PTCD1: variants seen among roughly 807,000 people sequenced by gnomAD.
PTCD1 encodes the protein pentatricopeptide repeat domain 1.
A neutral mutation model predicts 53.4 loss-of-function variants in PTCD1; 50 were observed. That is an observed-to-expected ratio of 0.94 (90% confidence interval 0.75 to 1.19). The LOEUF is 1.19. PTCD1 is among the 50% of genes most tolerant of loss of function. PTCD1 has a pLI of 0.00. For missense variants in PTCD1, 918 were observed against 904.8 expected (o/e 1.01, Z -0.19); for synonymous variants, 413 against 394.8 (o/e 1.05, Z -0.55).
At chr7:99,422,267 G>A (rs147613971) in intron 7 of PTCD1, among the ~76,000 whole-genome samples, 2 of 152,166 alleles carry the variant, frequency 1.3e-5, no homozygotes, top group East Asian at 1.9e-4. Context: ...ACACCTGCAC[G>A]GCGTTCCTGA....
intron 3 of PTCD1, among the ~76,000 whole-genome samples, chr7:99,431,263 G>A (rs545415951): frequency 7.9e-5 from 12 of 151,676 alleles, no homozygotes; most frequent in Middle Eastern, 3.4e-3. Flanking sequence ...CTGAGTAGCT[G>A]GGACTACAGG....
At chr7:99,421,340 A>G (rs1453809559) in intron 7 of PTCD1, among the ~76,000 whole-genome samples, 1 of 150,900 alleles carries the variant, frequency 6.6e-6, no homozygotes, top group Non-Finnish European at 1.5e-5. Flanking sequence ...AGGTGGGAGG[A>G]CTTCTTAAGC....
At chr7:99,423,681 C>T (rs1795912040) in intron 7 of PTCD1, 94 bp downstream of exon 7, 1 of 1,599,460 alleles carries the variant, frequency 6.3e-7, no homozygotes, top group Non-Finnish European at 8.5e-7. Context: ...AGCATGGCAA[C>T]ACAATCCCAA....
chr7:99,432,760 G>T (rs1361337121), intron 3 of PTCD1, among the ~76,000 whole-genome samples: 12 of 152,182 alleles, frequency 7.9e-5, no homozygotes, highest in Non-Finnish European at 4.4e-5. Context: ...GGAGGGGCTG[G>T]CCCCCTTCAG....
chr7:99,438,595 C>T, intron 1 of PTCD1, 97 bp downstream of exon 1: 1 of 1,139,914 alleles, frequency 8.8e-7, no homozygotes, highest in Non-Finnish European at 1.1e-6. Context: ...CCTCCTCAGA[C>T]GCCCCCGGCT....
chr7:99,417,983 C>T lies in PTCD1; in HGVS notation c.*1984G>A, dbSNP rs1001362260. On this transcript the variant is annotated 3_prime_UTR_variant, in exon 8 of 8. Transcript: ENST00000292478. ...TTACCATCACTATCTTTCCCGCCCCCCCAAGACGGAGTCTTGCTTTGTCGC... is the reference window on the plus strand; with the variant it reads ...TTACCATCACTATCTTTCCCGCCCCTCCAAGACGGAGTCTTGCTTTGTCGC... 2 of 1,174,918 alleles carry T rather than the reference C, an allele frequency of 1.7e-6. No individual in the cohort carries two copies. Among genetic ancestry groups the T allele is most frequent in the Non-Finnish European group, 2.1e-6 (2 of 938,906 alleles). 72.8% of individuals were successfully genotyped at this position (1,174,918 alleles called of 1,614,324 possible).
At chr7:99,436,186 T>C (rs1330771875) in intron 1 of PTCD1, among the ~76,000 whole-genome samples, 1 of 152,016 alleles carries the variant, frequency 6.6e-6, no homozygotes, top group African/African-American at 2.4e-5. Flanking sequence ...CAAGCAATCC[T>C]CTCGCCTCGA....
At chr7:99,429,078 G>A in intron 5 of PTCD1, 25 bp downstream of exon 5, 2 of 1,613,746 alleles carry the variant, frequency 1.2e-6, no homozygotes, top group Non-Finnish European at 1.7e-6. Flanking sequence ...AAGCAGGGCA[G>A]GAAGGTGGGG....
At position 99,417,173 on chromosome 7, in the gene PTCD1, C is replaced by T; in HGVS notation, c.*2794G>A. 2 of 388,724 alleles carry T rather than the reference C, an allele frequency of 5.1e-6. No homozygotes were observed. The highest frequency in any genetic ancestry group is 9.6e-6 in the Non-Finnish European group (2 of 207,868). 24.1% of individuals were successfully genotyped at this position (388,724 alleles called of 1,614,324 possible). On this transcript the variant is annotated 3_prime_UTR_variant, in exon 8 of 8. Coordinates refer to ENST00000292478, the MANE Select transcript of PTCD1 (RefSeq NM_015545.4). ...CTGGGTTCAAGTGATTCTCCTGCCT[C>T]AGCCTCCTAAGTAGCTGGGATTACA...
intron 5 of PTCD1, among the ~76,000 whole-genome samples, chr7:99,427,368 C>G (rs1475002417): frequency 2.7e-5 from 4 of 149,550 alleles, no homozygotes; most frequent in Non-Finnish European, 4.5e-5. Flanking sequence ...GGTCAGCCCC[C>G]CGCCCGGCCA....
At chr7:99,424,441 A>G (rs1414605441) in intron 6 of PTCD1, among the ~76,000 whole-genome samples, 1 of 152,228 alleles carries the variant, frequency 6.6e-6, no homozygotes, top group Non-Finnish European at 1.5e-5. Context: ...TGGGAGGCAC[A>G]GACCTCGGGG....
chr7:99,425,217 C>T lies in PTCD1; in HGVS notation c.1315G>A (p.Glu439Lys), dbSNP rs1276989372. Residue 439 changes from glutamate to lysine, a missense_variant, in exon 6 of 8, where the codon GAA (glutamate) becomes AAA (lysine). Glu to Lys is a moderately conservative substitution (Grantham distance 56). Transcript: ENST00000292478. ...GCCCCGGGGGTCAGGAGGTTGACTT[C>T]CAGCTCCACGGGAGGTGGCTTCAGG... ...VALKPPPVEL[E>K]VNLLTPGAVP... is the part of the protein sequence containing the mutation. 7.4e-6 allele frequency: 12 copies of T among 1,612,196 alleles called. No homozygotes were observed. The South Asian group carries it at 1.3e-4, about 18-fold the overall frequency.
At position 99,438,744 on chromosome 7, in the gene PTCD1, G is replaced by A. The variant is rs1425804855; in HGVS notation, c.-79C>T. ...ACGGGGAGCCCTGCCCGGTCCCCGC[G>A]GCGAACCAGTCTCTTCCTCGGGTCC... On this transcript the variant is annotated 5_prime_UTR_variant, in exon 1 of 8. Coordinates refer to ENST00000292478, the MANE Select transcript of PTCD1 (RefSeq NM_015545.4). 3 of 1,316,554 alleles carry A rather than the reference G, an allele frequency of 2.3e-6. No homozygotes were observed. Among genetic ancestry groups the A allele is most frequent in the Non-Finnish European group, 3.0e-6 (3 of 1,008,876 alleles). The allele number at this position is 1,316,554 out of a possible 1,614,324, so 81.6% of individuals were successfully genotyped here. A position where few individuals can be genotyped will look rare whatever the true frequency, so the allele number is the denominator to read the frequency against.
At chr7:99,423,571 G>A (rs993928187) in intron 7 of PTCD1, among the ~76,000 whole-genome samples, 5 of 152,162 alleles carry the variant, frequency 3.3e-5, no homozygotes, top group East Asian at 1.9e-4. Flanking sequence ...GAAAGCAAAC[G>A]CAAGGCTGAG....
At chr7:99,432,057 C>T (rs1022348634) in intron 3 of PTCD1, among the ~76,000 whole-genome samples, 5 of 152,196 alleles carry the variant, frequency 3.3e-5, no homozygotes, top group Admixed American at 2.6e-4. Context: ...TGCGGAAGGC[C>T]GCAGGGACCT....
rs1795590432 is a variant in PTCD1, at chr7:99,417,825, AT to A, written c.*2141del. On this transcript the variant is annotated 3_prime_UTR_variant, in exon 8 of 8. Transcript: ENST00000292478. ...CAATCTCAACTCCACTTTTGGGCAA[AT>A]TACTGAACCCCTTTCCTCACTTAGG... is the stretch of plus-strand genomic sequence containing the variant. The A allele has an allele frequency of 5.4e-6, 8 of 1,486,302 alleles. No homozygotes were observed. Among genetic ancestry groups the A allele is most frequent in the Non-Finnish European group, 6.2e-6 (7 of 1,121,080 alleles). The allele number at this position is 1,486,302 out of a possible 1,614,324, so 92.1% of individuals were successfully genotyped here. A position where few individuals can be genotyped will look rare whatever the true frequency, so the allele number is the denominator to read the frequency against.
intron 6 of PTCD1, among the ~76,000 whole-genome samples, chr7:99,424,522 G>C (rs535579622): frequency 3.0e-4 from 45 of 152,318 alleles, no homozygotes; most frequent in Non-Finnish European, 6.0e-4. Flanking sequence ...TGTTGGGGCC[G>C]AGGCCTGTGC....
chr7:99,423,729 A>T, intron 7 of PTCD1, 46 bp downstream of exon 7: 2 of 1,611,796 alleles, frequency 1.2e-6, no homozygotes, highest in Non-Finnish European at 8.5e-7. Context: ...GGGAGGGGGT[A>T]GCAATGGTGA....
Position 99,421,615 on chromosome 7 carries a change from T to C in PTCD1, c.1921-1466A>G, listed in dbSNP as rs538994023. On this transcript the variant is annotated intron_variant, in intron 7 of 7. Coordinates refer to ENST00000292478, the MANE Select transcript of PTCD1 (RefSeq NM_015545.4). ...AAAAAAACCACAAAAATTAGCCTGG[T>C]GTGGTGGCAGGCTCCTGTAATCCCA... Among the ~76,000 whole-genome samples, 4 of 145,132 alleles carry C rather than the reference T, an allele frequency of 2.8e-5. No homozygotes were observed. The East Asian group carries it at 6.0e-4, about 22-fold the overall frequency.
Sources: allele counts gnomAD v4.1 joint callset (sites outside exome capture counted in the v4.1 genomes callset), GRCh38; gene constraint gnomAD v4.1.1; transcripts MANE v1.5; gene names NCBI Gene and HGNC (gene_info 2026-07-23, HGNC 2026-07-21).